Variants in RANBP2 observed in about 807,000 individuals in gnomAD.
RANBP2 encodes E3 SUMO-protein ligase RanBP2.
RANBP2 carries 57 observed loss-of-function variants against 303.6 expected under a neutral mutation model. The ratio of observed to expected loss-of-function variants is 0.19; its 90% confidence interval spans 0.15 to 0.23. The LOEUF is 0.23. Among genes scored for constraint, RANBP2 ranks in the 10% least tolerant of loss-of-function variants. RANBP2 has a pLI of 1.00. For synonymous variants in RANBP2, 1,167 were observed against 1,301.5 expected (o/e 0.90, Z 2.23); for missense variants, 3,138 against 3,780.8 (o/e 0.83, Z 4.46).
the RANBP2 span, among the ~76,000 whole-genome samples, chr2:108,854,039 T>TATA: frequency 1.2e-4 from 7 of 56,156 alleles, no homozygotes; most frequent in African/African-American, 4.3e-4. Flanking sequence ...TTATATATAA[T>TATA]ATATAATAAA....
chr2:109,330,699 T>C, the RANBP2 span, among the ~76,000 whole-genome samples: 1 of 152,112 alleles, frequency 6.6e-6, no homozygotes, highest in Non-Finnish European at 1.5e-5. Context: ...GATGGATGGA[T>C]ACATGACGGA....
the RANBP2 span, among the ~76,000 whole-genome samples, chr2:109,707,681 G>A: frequency 6.6e-6 from 1 of 152,168 alleles, no homozygotes. Context: ...TGTTCTGACG[G>A]GTCAGCGCCC....
chr2:109,360,063 CAAAAAA>C, the RANBP2 span, among the ~76,000 whole-genome samples: 9 of 135,140 alleles, frequency 6.7e-5, no homozygotes, highest in Admixed American at 1.5e-4. Flanking sequence ...TTCCTTGCAC[CAAAAAA>C]AAAAAAAAAA....
intron 1 of RANBP2, among the ~76,000 whole-genome samples, chr2:108,725,821 T>C (rs1232897128): frequency 2.7e-5 from 4 of 149,836 alleles, no homozygotes; most frequent in African/African-American, 9.7e-5. Context: ...CTGTAGTTCT[T>C]TTTTTTTTTG....
At chr2:109,013,381 T>TG in the RANBP2 span, among the ~76,000 whole-genome samples, 4 of 152,206 alleles carry the variant, frequency 2.6e-5, no homozygotes, top group Non-Finnish European at 5.9e-5. Context: ...TTCTTACACA[T>TG]GCAATGGATG....
chr2:109,191,717 G>T, the RANBP2 span, among the ~76,000 whole-genome samples: 1 of 152,150 alleles, frequency 6.6e-6, no homozygotes, highest in Admixed American at 6.5e-5. Context: ...TCTCCTTGAG[G>T]TGCTGATGCG....
the RANBP2 span, among the ~76,000 whole-genome samples, chr2:109,598,900 A>AT: frequency 1.3e-4 from 20 of 152,002 alleles, no homozygotes; most frequent in African/African-American, 2.7e-4. Context: ...AAAAATAAAA[A>AT]AAAAATTATT....
chr2:108,737,503 T>A (rs1313115127), intron 6 of RANBP2, among the ~76,000 whole-genome samples: 3 of 150,174 alleles, frequency 2.0e-5, no homozygotes, highest in Non-Finnish European at 4.4e-5. Context: ...CATACCCAGC[T>A]AATTTTTGTA....
chr2:108,788,164 A>G, downstream of RANBP2: 1 of 1,482,246 alleles, frequency 6.7e-7, no homozygotes, highest in African/African-American at 1.4e-5. Context: ...CACGCCTGTA[A>G]TCCCAGCACT....
At chr2:109,228,354 A>G in the RANBP2 span, among the ~76,000 whole-genome samples, 1 of 152,146 alleles carries the variant, frequency 6.6e-6, no homozygotes, top group African/African-American at 2.4e-5. Context: ...GATGTTTGGG[A>G]TGTGTGTTCT....
At chr2:108,907,328 G>A in the RANBP2 span, among the ~76,000 whole-genome samples, 5 of 151,740 alleles carry the variant, frequency 3.3e-5, no homozygotes, top group Admixed American at 6.6e-5. Flanking sequence ...ATTATTTTTC[G>A]TTTTTGTGTA....
At chr2:109,128,412 G>A in the RANBP2 span, 1 of 152,102 alleles carries the variant, frequency 6.6e-6, no homozygotes, top group African/African-American at 2.4e-5. Flanking sequence ...GGAGCCGGGC[G>A]CCTGGCGCCA....
intron 24 of RANBP2, among the ~76,000 whole-genome samples, chr2:108,776,610 T>G (rs1029607200): frequency 1.3e-5 from 2 of 152,130 alleles, no homozygotes; most frequent in African/African-American, 4.8e-5. Context: ...CCTCATACAT[T>G]TTCATATGAG....
At chr2:109,523,096 GGAGA>G in the RANBP2 span, among the ~76,000 whole-genome samples, 1 of 152,168 alleles carries the variant, frequency 6.6e-6, no homozygotes, top group Non-Finnish European at 1.5e-5. Flanking sequence ...CTGTGGTCCT[GGAGA>G]GGTTGCCTGG....
the RANBP2 span, among the ~76,000 whole-genome samples, chr2:109,399,579 C>T: frequency 1.3e-5 from 2 of 152,184 alleles, 1 homozygote; most frequent in Middle Eastern, 6.8e-3. Flanking sequence ...AGTTCAAGAT[C>T]AGCTTGGGCA....
the RANBP2 span, among the ~76,000 whole-genome samples, chr2:109,514,501 G>A: frequency 2.0e-5 from 3 of 152,196 alleles, no homozygotes; most frequent in Non-Finnish European, 1.5e-5. Flanking sequence ...GGGGCACTTG[G>A]CTGTGTGTTG....
chr2:109,355,767 T>A, the RANBP2 span, among the ~76,000 whole-genome samples: 967 of 152,320 alleles, frequency 6.3e-3, 10 homozygotes, highest in East Asian at 0.048. Flanking sequence ...GCCATGCGGA[T>A]CAGTCTTGCC....
chr2:109,189,221 G>T, the RANBP2 span, among the ~76,000 whole-genome samples: 1 of 152,012 alleles, frequency 6.6e-6, no homozygotes, highest in Non-Finnish European at 1.5e-5. Flanking sequence ...GGAGGCTCTG[G>T]TGTGTTCAGA....
chr2:109,227,394 G>A, the RANBP2 span, among the ~76,000 whole-genome samples: 4 of 152,164 alleles, frequency 2.6e-5, no homozygotes, highest in Non-Finnish European at 2.9e-5. Context: ...GTTCATTTCT[G>A]TAACCAGCTG....
Sources: allele counts gnomAD v4.1 joint callset (sites outside exome capture counted in the v4.1 genomes callset), GRCh38; gene constraint gnomAD v4.1.1; transcripts MANE v1.5; gene names NCBI Gene and HGNC (gene_info 2026-07-23, HGNC 2026-07-21).